Variants in ELN observed in about 807,000 individuals in gnomAD.
The protein encoded by ELN is elastin.
A neutral mutation model predicts 105.8 loss-of-function variants in ELN; 65 were observed. The ratio of observed to expected loss-of-function variants is 0.61; its 90% confidence interval spans 0.50 to 0.75. ELN has a LOEUF of 0.75. Ranked by LOEUF, ELN falls within the 30% of genes least tolerant of loss-of-function variation. The pLI is 0.00. For synonymous variants in ELN, 368 were observed against 389.2 expected (o/e 0.95, Z 0.64); for missense variants, 882 against 969.4 (o/e 0.91, Z 1.20).
intron 4 of ELN, 95 bp downstream of exon 4, chr7:74,037,834 A>G (rs2131271471): frequency 1.9e-6 from 3 of 1,539,338 alleles, no homozygotes; most frequent in South Asian, 2.4e-5. Flanking sequence ...AACTAGGAAC[A>G]GGACAAGGAA....
Position 74,057,876 on chromosome 7 carries a change from A to G in ELN, c.1414+180A>G, listed in dbSNP as rs55768931. The stretch of plus-strand genomic sequence containing the variant: ...TGAATGACCTCTAGGAGTGTGGGTG[A>G]TGTTTCTGATTAGGGGAGCAGGGTG... On this transcript the variant is annotated intron_variant, in intron 22 of 32. Transcript: ENST00000252034. 0.089 allele frequency among the ~76,000 whole-genome samples: 13,503 copies of G among 151,904 alleles called. 1,515 individuals carry two copies. The highest frequency in any genetic ancestry group is 0.27 in the African/African-American group (10,976 of 41,368).
chr7:74,048,401 C>A, intron 14 of ELN, 102 bp from the exon 15 acceptor site: 1 of 1,567,636 alleles, frequency 6.4e-7, no homozygotes, highest in East Asian at 2.2e-5. Context: ...CCATGTATAC[C>A]CACATGTCAG....
In ELN at chr7:74,057,648, A is replaced by G. The variant is rs370603113; in HGVS notation, c.1366A>G (p.Thr456Ala). Residue 456 changes from threonine to alanine, a missense_variant, in exon 22 of 33, where the codon ACC becomes GCC. Transcript: ENST00000252034. ...TCTCTTCACACCTCCAGGAGTGGGG[A>G]CCCCAGCAGCTGCAGCTGCTAAAGC... ...AAKAAKYGVG[T>A]PAAAAAKAAA... The G allele has an allele frequency of 6.2e-6, 10 of 1,613,324 alleles. 1 individual carries two copies. The highest frequency in any genetic ancestry group is 4.5e-5 in the East Asian group (2 of 44,862).
intron 25 of ELN, chr7:74,060,703 G>A: frequency 2.4e-5 from 34 of 1,397,598 alleles, no homozygotes; most frequent in Non-Finnish European, 3.3e-5. Flanking sequence ...CCCAATTGCA[G>A]AGTATCTGCC....
chr7:74,041,779 C>T (rs1384169802), intron 5 of ELN, among the ~76,000 whole-genome samples: 1 of 152,106 alleles, frequency 6.6e-6, no homozygotes, highest in African/African-American at 2.4e-5. Flanking sequence ...GGCTCAGTCT[C>T]AGCTCCCCGC....
rs528714060 is a variant in ELN at position 74,043,359 on chromosome 7, G to A, written c.427+191G>A. 3 of 874,566 alleles carry A rather than the reference G, an allele frequency of 3.4e-6. No homozygotes were observed. In the African/African-American group the frequency reaches 5.0e-5, roughly 14 times the overall value. 54.2% of individuals were successfully genotyped at this position (874,566 alleles called of 1,614,324 possible). On this transcript the variant is annotated intron_variant, in intron 8 of 32. Coordinates refer to ENST00000252034, the MANE Select transcript of ELN (RefSeq NM_000501.4). ...GAGGAGGGGCCTGGCCCACTTCCCGGGCCCTTCTCCCGGGATCTTGGGGTA... is the reference window on the plus strand; with the variant it reads ...GAGGAGGGGCCTGGCCCACTTCCCGAGCCCTTCTCCCGGGATCTTGGGGTA...
At position 74,063,758 on chromosome 7, in the gene ELN, C is replaced by G; in HGVS notation, c.1993+63C>G. The G allele has an allele frequency of 1.3e-6, 2 of 1,598,140 alleles. No individual in the cohort carries two copies. ...TGTGTATGCGAGACAGAGATGGAGA[C>G]AGAGACAGAGACAGAGACTTTCGTT... On this transcript the variant is annotated intron_variant, in intron 29 of 32. Transcript: ENST00000252034. This position sits in a 1 kb window ranked among gnomAD's most constrained non-coding sequence, Gnocchi z 4.1.
intron 8 of ELN, 93 bp downstream of exon 8, chr7:74,043,261 G>T: frequency 6.6e-7 from 1 of 1,517,552 alleles, no homozygotes; most frequent in Non-Finnish European, 8.9e-7. Context: ...CTGCACTTGG[G>T]GAGGAAGGGC....
rs782760740 is a variant in ELN, at chr7:74,054,681, C to G, written c.1097-35C>G. ...ATACTACACAGCTCTCCTCCAATCT[C>G]TCCTGAGCATTTGTGTCCCTTTTGG... On this transcript the variant is annotated intron_variant, in intron 18 of 32. Transcript: ENST00000252034. 4 of 1,611,418 alleles carry G rather than the reference C, an allele frequency of 2.5e-6. No individual in the cohort carries two copies. In the Admixed American group the frequency reaches 5.0e-5, roughly 20 times the overall value.
At position 74,068,752 on chromosome 7, in the gene ELN, G is replaced by C; in HGVS notation, c.*52G>C. ...CTCATCAACGTTGGTGCTACTGCTT[G>C]GTGGAGAATGTAAACCCTTTGTAAC... On this transcript the variant is annotated 3_prime_UTR_variant, in exon 33 of 33. Transcript: ENST00000252034. 1 of 1,604,934 alleles carries C rather than the reference G, an allele frequency of 6.2e-7. No individual in the cohort carries two copies. The highest frequency in any genetic ancestry group is 8.5e-7 in the Non-Finnish European group (1 of 1,171,832).
chr7:74,053,311 T>C lies in ELN; in HGVS notation c.1096+2T>C. 3.1e-6 allele frequency: 5 copies of C among 1,604,424 alleles called. No individual in the cohort carries two copies. Among genetic ancestry groups the C allele is most frequent in the Non-Finnish European group, 4.2e-6 (5 of 1,177,716 alleles). On this transcript the variant is annotated splice_donor_variant, in intron 18 of 32. Transcript: ENST00000252034. LOFTEE classifies it high-confidence loss of function. ...GGATCCCAGGTGCTGCGGTTCCAGGTGAGCTGGGCTGTGTGTGTGTGTGTG... is the reference window on the plus strand; with the variant it reads ...GGATCCCAGGTGCTGCGGTTCCAGGCGAGCTGGGCTGTGTGTGTGTGTGTG...
intron 1 of ELN, among the ~76,000 whole-genome samples, chr7:74,033,245 T>TC (rs1199221056): frequency 2.0e-5 from 3 of 152,070 alleles, no homozygotes; most frequent in African/African-American, 7.2e-5. Context: ...ACTTTGCTCT[T>TC]CCCCCCACCT....
chr7:74,049,908 TCC>T (rs1554674973), intron 15 of ELN, among the ~76,000 whole-genome samples: 33 of 640 alleles, frequency 0.052, no homozygotes, highest in Middle Eastern at 0.5. Context: ...CATCCATCCA[TCC>T]ATACATCAAT....
chr7:74,066,259 C>A (rs954762227), intron 31 of ELN, among the ~76,000 whole-genome samples: 7 of 152,190 alleles, frequency 4.6e-5, no homozygotes, highest in African/African-American at 1.7e-4. Flanking sequence ...GTTGAGAAAG[C>A]CACTCTGGCT....
chr7:74,047,734 A>G lies in ELN; in HGVS notation c.685+18A>G, dbSNP rs782791469. The G allele has an allele frequency of 2.5e-6, 4 of 1,614,036 alleles. No homozygotes were observed. The stretch of plus-strand genomic sequence containing the variant: ...GCCCTATGGTGAGTGAGACCCTTCT[A>G]GACTGTGGGCTTCCAGCTCTTTCCC... On this transcript the variant is annotated intron_variant, in intron 13 of 32. Transcript: ENST00000252034.
At chr7:74,037,667 G>A (rs1554666470) in intron 3 of ELN, 40 bp from the exon 4 acceptor site, 4 of 1,604,994 alleles carry the variant, frequency 2.5e-6, no homozygotes, top group East Asian at 2.2e-5. Context: ...AGATGGATAA[G>A]CTGGGCCACC....
Position 74,047,721 on chromosome 7 carries a change from G to A in ELN, c.685+5G>A. On this transcript the variant is annotated splice_donor_5th_base_variant and intron_variant, in intron 13 of 32. Transcript: ENST00000252034. ...CCACAGGGAAACTGCCCTATGGTGA[G>A]TGAGACCCTTCTAGACTGTGGGCTT... 1 of 1,614,162 alleles carries A rather than the reference G, an allele frequency of 6.2e-7. No homozygotes were observed. Among genetic ancestry groups the A allele is most frequent in the Non-Finnish European group, 8.5e-7 (1 of 1,180,010 alleles).
chr7:74,067,972 A>C (rs1256097740), intron 32 of ELN, among the ~76,000 whole-genome samples: 3 of 146,842 alleles, frequency 2.0e-5, no homozygotes, highest in African/African-American at 7.6e-5. Flanking sequence ...CTTCAGAGGC[A>C]GATGTCTGTT....
At position 74,059,988 on chromosome 7, in the gene ELN, G is replaced by C. The variant is rs1796248029; in HGVS notation, c.1517G>C (p.Gly506Ala). ...GCTCCTGGAGTTGGCGTGGCTCCTG[G>C]AGTTGGTGTGGCTCCTGGCGTTGGC... ...GLAPGVGVAP[G>A]VGVAPGVGVA... Residue 506 changes from glycine to alanine, a missense_variant, in exon 23 of 33, where the codon GGA becomes GCA. By Grantham distance (60) the Gly-to-Ala change is moderately conservative. Transcript: ENST00000252034. 1 of 1,613,860 alleles carries C rather than the reference G, an allele frequency of 6.2e-7. No homozygotes were observed. The highest frequency in any genetic ancestry group is 1.3e-5 in the African/African-American group (1 of 74,878).
Sources: allele counts gnomAD v4.1 joint callset (sites outside exome capture counted in the v4.1 genomes callset), GRCh38; gene constraint gnomAD v4.1.1; non-coding constraint Gnocchi (gnomAD v3.1); transcripts MANE v1.5; gene names NCBI Gene and HGNC (gene_info 2026-07-23, HGNC 2026-07-21).